The following TMEM98 variants were observed in gnomAD, a reference collection of about 807,000 sequenced individuals.
TMEM98 encodes the protein transmembrane protein 98.
Under a neutral mutation model 25.0 loss-of-function variants are expected in TMEM98, and 18 were observed. That is an observed-to-expected ratio of 0.72 (90% CI 0.50 to 1.07). The LOEUF is 1.07. Among genes scored for constraint, TMEM98 ranks in the 50% least tolerant of loss-of-function variants. The probability of loss-of-function intolerance (pLI) is 0.00; values close to 1 mark genes in which losing one functional copy is unlikely to be tolerated. For missense variants in TMEM98, 241 were observed against 289.0 expected (o/e 0.83, Z 1.20); for synonymous variants, 103 against 112.4 (o/e 0.92, Z 0.53).
Position 32,936,397 on chromosome 17 carries a change from T to C in TMEM98, c.363T>C (p.Thr121=), listed in dbSNP as rs1259220791. 6.2e-7 allele frequency: 1 copy of C among 1,614,198 alleles called. No homozygotes were observed. Among genetic ancestry groups the C allele is most frequent in the South Asian group, 1.1e-5 (1 of 91,086 alleles). ...TGGGCTCTGGGGCCAAGATGAAGACTTCAGCCAGTGTCAGCGACATCATTG... is the reference window on the plus strand; with the variant it reads ...TGGGCTCTGGGGCCAAGATGAAGACCTCAGCCAGTGTCAGCGACATCATTG... ...MTMGSGAKMK[T]SASVSDIIVV... Residue 121 remains threonine (T), a synonymous_variant, in exon 6 of 8, where the codon ACT becomes ACC. Coordinates refer to ENST00000579849, the MANE Select transcript of TMEM98 (RefSeq NM_015544.3).
At chr17:32,935,760 C>T (rs1360380923) in intron 5 of TMEM98, among the ~76,000 whole-genome samples, 1 of 152,176 alleles carries the variant, frequency 6.6e-6, no homozygotes, top group Non-Finnish European at 1.5e-5. Flanking sequence ...GTGGCCAGCT[C>T]TGTGGGTGGG....
At chr17:32,932,799 C>T (rs2091476856) in intron 3 of TMEM98, among the ~76,000 whole-genome samples, 2 of 152,138 alleles carry the variant, frequency 1.3e-5, no homozygotes. Context: ...ATAGGAACCA[C>T]CGCCTCTCTG....
rs1311777968 is a variant in TMEM98, at chr17:32,943,090, C to T, written c.*2097C>T. On this transcript the variant is annotated 3_prime_UTR_variant, in exon 8 of 8. Coordinates refer to ENST00000579849, the MANE Select transcript of TMEM98 (RefSeq NM_015544.3). ...CAATGTCGATTACCTTCTCTGAGTCCTGGCAAGTCCTGGCACATTGGCTTT... is the reference window on the plus strand; with the variant it reads ...CAATGTCGATTACCTTCTCTGAGTCTTGGCAAGTCCTGGCACATTGGCTTT... 2.0e-5 allele frequency: 3 copies of T among 152,358 alleles called. No individual in the cohort carries two copies. Among genetic ancestry groups the T allele is most frequent in the Non-Finnish European group, 4.4e-5 (3 of 68,162 alleles). 9.4% of individuals were successfully genotyped at this position (152,358 alleles called of 1,614,324 possible). A position where few individuals can be genotyped will look rare whatever the true frequency, so the allele number is the denominator to read the frequency against.
chr17:32,930,939 C>A (rs1406820632), intron 1 of TMEM98: 1 of 152,078 alleles, frequency 6.6e-6, no homozygotes, highest in South Asian at 2.1e-4. Flanking sequence ...CGGTGTCTCA[C>A]GCGTGTAATC....
rs749146545 is a variant in TMEM98 at position 32,936,332 on chromosome 17, A to T, written c.298A>T (p.Ile100Phe). ...LMSHCIAILKICHTLTEKLVA... is the reference protein window; with the variant it reads ...LMSHCIAILKFCHTLTEKLVA... ...ATCTCTCTCCTCCCTGCCGCATTAG[A>T]TTTGTCACACTCTGACAGAGAAGCT... Residue 100 changes from isoleucine to phenylalanine, a missense_variant and splice_region_variant, in exon 6 of 8, where the codon ATT becomes TTT. By Grantham distance (21) the Ile-to-Phe change is conservative (BLOSUM62 0). Transcript: ENST00000579849. 6.2e-7 allele frequency: 1 copy of T among 1,613,750 alleles called. No individual in the cohort carries two copies. Among genetic ancestry groups the T allele is most frequent in the Non-Finnish European group, 8.5e-7 (1 of 1,179,762 alleles).
intron 5 of TMEM98, among the ~76,000 whole-genome samples, chr17:32,935,155 C>T (rs879707544): frequency 4.1e-4 from 63 of 152,126 alleles, no homozygotes; most frequent in Non-Finnish European, 1.2e-4. Flanking sequence ...TTCTTTACCC[C>T]ACCTCTTCTT....
rs1567700341 is a variant in TMEM98, at chr17:32,944,226, T to C, written c.*3233T>C. ...CTACAGTTCAAAGGCCCTGCATTGC[T>C]TTATGGCCTTGGAAATGTGGGGAAA... On this transcript the variant is annotated 3_prime_UTR_variant, in exon 8 of 8. Transcript: ENST00000579849. 1 of 152,222 alleles carries C rather than the reference T, an allele frequency of 6.6e-6. No homozygotes were observed. 9.4% of individuals were successfully genotyped at this position (152,222 alleles called of 1,614,324 possible). A position where few individuals can be genotyped will look rare whatever the true frequency, so the allele number is the denominator to read the frequency against.
Position 32,941,958 on chromosome 17 carries a change from C to CT in TMEM98, c.*967dup, listed in dbSNP as rs1470425742. The CT allele has an allele frequency of 5.9e-5, 9 of 152,208 alleles. No homozygotes were observed. Among genetic ancestry groups the CT allele is most frequent in the African/African-American group, 2.2e-4 (9 of 41,402 alleles). 9.4% of individuals were successfully genotyped at this position (152,208 alleles called of 1,614,324 possible). ...TTGGTAGGCTGAGGTGGGAGGATCG[C>CT]TTGAGCCCAGGAGGTGAAGGTTGCA... is the stretch of plus-strand genomic sequence containing the variant. On this transcript the variant is annotated 3_prime_UTR_variant, in exon 8 of 8. Transcript: ENST00000579849.
At position 32,932,731 on chromosome 17, in the gene TMEM98, A is replaced by G. The variant is rs142290705; in HGVS notation, c.132-443A>G. On this transcript the variant is annotated intron_variant, in intron 3 of 7. Transcript: ENST00000579849. ...AAGGCAGGGATATAGGGATGGACCA[A>G]AGTGGTTCACAAGAGTTATTCTGCA... 4.7e-3 allele frequency among the ~76,000 whole-genome samples: 715 copies of G among 152,318 alleles called. 4 individuals are homozygous for G. The highest frequency in any genetic ancestry group is 7.7e-3 in the Non-Finnish European group (524 of 68,024).
In TMEM98 at chr17:32,936,324, C is replaced by G. The variant is rs747188175; in HGVS notation, c.298-8C>G. ...CAGCCCTCATCTCTCTCCTCCCTGC[C>G]GCATTAGATTTGTCACACTCTGACA... On this transcript the variant is annotated splice_region_variant and splice_polypyrimidine_tract_variant and intron_variant, in intron 5 of 7. Coordinates refer to ENST00000579849, the MANE Select transcript of TMEM98 (RefSeq NM_015544.3). 6.2e-7 allele frequency: 1 copy of G among 1,612,088 alleles called. No individual in the cohort carries two copies. The highest frequency in any genetic ancestry group is 1.1e-5 in the South Asian group (1 of 90,914).
chr17:32,939,773 A>G (rs971034592), intron 7 of TMEM98, among the ~76,000 whole-genome samples: 1 of 152,182 alleles, frequency 6.6e-6, no homozygotes, highest in African/African-American at 2.4e-5. Context: ...TTAAATTGTT[A>G]TGATTAGACT....
At chr17:32,937,475 C>T (rs1348950848) in intron 6 of TMEM98, among the ~76,000 whole-genome samples, 2 of 152,190 alleles carry the variant, frequency 1.3e-5, no homozygotes, top group Non-Finnish European at 2.9e-5. Context: ...GAACAGTTCC[C>T]TGCCTTCTCT....
rs376610859 is a variant in TMEM98 at position 32,941,018 on chromosome 17, T to C, written c.*25T>C. ...GTGCCTACAGGCCAGCAGCTAGCCA[T>C]GAAGGCCCCTGCCGCCATCCCTGGA... is the stretch of plus-strand genomic sequence containing the variant. On this transcript the variant is annotated 3_prime_UTR_variant, in exon 8 of 8. Coordinates refer to ENST00000579849, the MANE Select transcript of TMEM98 (RefSeq NM_015544.3). 1.5e-3 allele frequency: 2,402 copies of C among 1,565,936 alleles called. 6 individuals are homozygous for C. Among genetic ancestry groups the C allele is most frequent in the Non-Finnish European group, 1.5e-3 (1,762 of 1,152,136 alleles).
At chr17:32,930,230 T>C (rs1305836471) in intron 1 of TMEM98, among the ~76,000 whole-genome samples, 1 of 152,142 alleles carries the variant, frequency 6.6e-6, no homozygotes, top group Non-Finnish European at 1.5e-5. Context: ...ACAGTGAATA[T>C]GTACTTCTGT....
rs1317836315 is a variant in TMEM98, at chr17:32,933,200, T to C, written c.158T>C (p.Met53Thr). The C allele has an allele frequency of 1.2e-6, 2 of 1,614,148 alleles. No individual in the cohort carries two copies. Among genetic ancestry groups the C allele is most frequent in the East Asian group, 2.2e-5 (1 of 44,882 alleles). The stretch of plus-strand genomic sequence containing the variant: ...CCCATTGTGGACCTCATTGGTGCCA[T>C]GGAGACCCAGTCTGAGCCCTCTGAG... The part of the protein sequence containing the change: ...SKPIVDLIGA[M>T]ETQSEPSELE... The change falls in exon 4 of 8, where the codon ATG becomes ACG. Residue 53 changes from methionine to threonine, a missense_variant. Transcript: ENST00000579849.
At position 32,936,325 on chromosome 17, in the gene TMEM98, G is replaced by C. The variant is rs757483596; in HGVS notation, c.298-7G>C. 1.2e-6 allele frequency: 2 copies of C among 1,612,036 alleles called. No individual in the cohort carries two copies. Among genetic ancestry groups the C allele is most frequent in the African/African-American group, 1.3e-5 (1 of 74,884 alleles). ...AGCCCTCATCTCTCTCCTCCCTGCC[G>C]CATTAGATTTGTCACACTCTGACAG... On this transcript the variant is annotated splice_region_variant and splice_polypyrimidine_tract_variant and intron_variant, in intron 5 of 7. Transcript: ENST00000579849.
intron 7 of TMEM98, 36 bp from the exon 8 acceptor site, chr17:32,940,750 C>T: frequency 6.3e-7 from 1 of 1,593,488 alleles, no homozygotes; most frequent in Middle Eastern, 1.7e-4. Flanking sequence ...CCCTCATTTC[C>T]TAGGAAACCT....
At chr17:32,928,766 A>G (rs1035811673) in intron 1 of TMEM98, among the ~76,000 whole-genome samples, 1 of 148,516 alleles carries the variant, frequency 6.7e-6, no homozygotes, top group Non-Finnish European at 1.5e-5. Flanking sequence ...ACACAAGCAC[A>G]CTAAGAAACA....
chr17:32,931,342 C>A lies in TMEM98; in HGVS notation c.-115C>A. 3.1e-6 allele frequency: 2 copies of A among 653,408 alleles called. No homozygotes were observed. The highest frequency in any genetic ancestry group is 2.3e-5 in the South Asian group (1 of 43,842). The allele number at this position is 653,408 out of a possible 1,614,324, so 40.5% of individuals were successfully genotyped here. A position where few individuals can be genotyped will look rare whatever the true frequency, so the allele number is the denominator to read the frequency against. On this transcript the variant is annotated 5_prime_UTR_variant, in exon 2 of 8. Transcript: ENST00000579849. ...TTCTCTTCAGGCCCTCAGGTCTCTG[C>A]AGGTGTCGTGGAGGAACCTAGCACC...
Sources: allele counts gnomAD v4.1 joint callset (sites outside exome capture counted in the v4.1 genomes callset), GRCh38; gene constraint gnomAD v4.1.1; transcripts MANE v1.5; gene names NCBI Gene and HGNC (gene_info 2026-07-23, HGNC 2026-07-21).